The following ANK3 variants were observed in gnomAD, a reference collection of about 807,000 sequenced individuals.
ANK3 encodes ankyrin 3.
Under a neutral mutation model 370.9 loss-of-function variants are expected in ANK3, and 57 were observed. The observed-to-expected ratio is 0.15, with a 90% CI of 0.12 to 0.19. The LOEUF is 0.19. ANK3 is among the 10% of genes least tolerant of loss of function. The pLI is 1.00. For synonymous variants in ANK3, 1,929 were observed against 1,946.3 expected (o/e 0.99, Z 0.23); for missense variants, 4,439 against 5,302.1 (o/e 0.84, Z 5.06).
chr10:60,054,298 A>G (rs867518558), intron 42 of ANK3, among the ~76,000 whole-genome samples: 1 of 152,204 alleles, frequency 6.6e-6, no homozygotes, highest in South Asian at 2.1e-4. Flanking sequence ...TAAATATACT[A>G]AAAGTCAAGT....
intron 2 of ANK3, among the ~76,000 whole-genome samples, chr10:60,591,304 TTTATTTA>T (rs1252404448): frequency 3.1e-4 from 1 of 3,270 alleles, no homozygotes; most frequent in Admixed American, 2.9e-3. Context: ...TTATTTTTAT[TTTATTTA>T]TTTATTTATT....
chr10:60,497,607 G>A (rs541374171), intron 2 of ANK3, among the ~76,000 whole-genome samples: 7 of 152,138 alleles, frequency 4.6e-5, no homozygotes, highest in Non-Finnish European at 8.8e-5. Context: ...TCCTGTACAT[G>A]CCTCTCAAGA....
chr10:60,066,300 ACT>A (rs1469648945), intron 38 of ANK3, among the ~76,000 whole-genome samples: 1 of 152,148 alleles, frequency 6.6e-6, no homozygotes. Flanking sequence ...CCAAAAATTT[ACT>A]CTGACTGTAT....
chr10:60,358,657 CT>C (rs754149436), intron 1 of ANK3, among the ~76,000 whole-genome samples: 42 of 152,204 alleles, frequency 2.8e-4, no homozygotes, highest in Non-Finnish European at 4.7e-4. Context: ...ATCTGACTGA[CT>C]TGCTGATGTA....
intron 2 of ANK3, among the ~76,000 whole-genome samples, chr10:60,426,676 C>G (rs544160360): frequency 6.6e-6 from 1 of 152,148 alleles, no homozygotes; most frequent in South Asian, 2.1e-4. Flanking sequence ...CTCTATCAAT[C>G]CAAGAGATTA....
chr10:60,427,031 T>C (rs1450342122), intron 2 of ANK3, among the ~76,000 whole-genome samples: 2 of 152,118 alleles, frequency 1.3e-5, no homozygotes, highest in South Asian at 2.1e-4. Context: ...GACAATTCTA[T>C]GCCACCAGGC....
chr10:60,035,331 C>T (rs2074685423), intron 43 of ANK3, among the ~76,000 whole-genome samples: 1 of 152,100 alleles, frequency 6.6e-6, no homozygotes, highest in South Asian at 2.1e-4. Context: ...TTGCTGCAAC[C>T]TCTGCCTCCT....
rs2072445896 is a variant in ANK3, at chr10:60,027,241, C to A, written c.*2605G>T. On this transcript the variant is annotated 3_prime_UTR_variant, in exon 44 of 44. Coordinates refer to ENST00000280772, the MANE Select transcript of ANK3 (RefSeq NM_020987.5). Reference sequence around the variant, plus strand: ...GTAACTCTTAGATAGGAAGTTAGGACACCTATATTCTGATCCTGGCTTTAC... The same window carrying A: ...GTAACTCTTAGATAGGAAGTTAGGAAACCTATATTCTGATCCTGGCTTTAC... The A allele has an allele frequency of 6.7e-6, 1 of 149,362 alleles. No individual in the cohort carries two copies. The highest frequency in any genetic ancestry group is 1.5e-5 in the Non-Finnish European group (1 of 67,670). 9.3% of individuals were successfully genotyped at this position (149,362 alleles called of 1,614,324 possible). A position where few individuals can be genotyped will look rare whatever the true frequency, so the allele number is the denominator to read the frequency against.
chr10:60,676,430 A>C (rs2079126584), intron 1 of ANK3, among the ~76,000 whole-genome samples: 1 of 152,204 alleles, frequency 6.6e-6, no homozygotes, highest in Non-Finnish European at 1.5e-5. Context: ...TGAATTATAA[A>C]TTAAGGTCTG....
chr10:60,411,313 A>G (rs2063555621), intron 2 of ANK3, among the ~76,000 whole-genome samples: 1 of 152,236 alleles, frequency 6.6e-6, no homozygotes, highest in South Asian at 2.1e-4. Flanking sequence ...CTGGTTAGCA[A>G]TAACTGTACT....
intron 2 of ANK3, among the ~76,000 whole-genome samples, chr10:60,438,454 A>AT (rs1238241248): frequency 6.6e-6 from 1 of 152,082 alleles, no homozygotes; most frequent in East Asian, 1.9e-4. Context: ...CCCTTTGAAG[A>AT]CCTAACCTAG....
intron 1 of ANK3, among the ~76,000 whole-genome samples, chr10:60,337,470 C>T (rs2053270120): frequency 6.6e-6 from 1 of 152,240 alleles, no homozygotes; most frequent in East Asian, 1.9e-4. Flanking sequence ...ATCCCAGACT[C>T]CTACTTTCAA....
At position 60,052,836 on chromosome 10, in the gene ANK3, T is replaced by TAA. The variant is rs61646753; in HGVS notation, c.13065+2820_13065+2821dup. The stretch of plus-strand genomic sequence containing the variant: ...GGAAAAATGAATTCCAGTATTTGTT[T>TAA]AAAAAAAAAAATAAAACTGCTATAG... On this transcript the variant is annotated intron_variant, in intron 42 of 43. Transcript: ENST00000280772. 8.1e-5 allele frequency among the ~76,000 whole-genome samples: 12 copies of TAA among 148,942 alleles called. No homozygotes were observed. The East Asian group carries it at 1.9e-3, about 24-fold the overall frequency.
intron 2 of ANK3, among the ~76,000 whole-genome samples, chr10:60,395,564 C>CTTTCTTTTCTTTCTTTCTTTCTTTCT (rs1555367098): frequency 2.9e-5 from 3 of 101,802 alleles, no homozygotes; most frequent in African/African-American, 1.2e-4. Context: ...TTCTTTCTTT[C>CTTTCTTTTCTTTCTTTCTTTCTTTCT]TTTCTTTCTT....
At chr10:60,272,031 A>G (rs1024292840) in intron 4 of ANK3, among the ~76,000 whole-genome samples, 1 of 151,580 alleles carries the variant, frequency 6.6e-6, no homozygotes, top group African/African-American at 2.4e-5. Flanking sequence ...CTGTTTTATC[A>G]TGAAACATTC....
At chr10:60,490,162 T>G (rs1327622881) in intron 2 of ANK3, among the ~76,000 whole-genome samples, 1 of 152,172 alleles carries the variant, frequency 6.6e-6, no homozygotes, top group African/African-American at 2.4e-5. Flanking sequence ...TCACCTTAGA[T>G]GAACCATTTT....
intron 36 of ANK3, among the ~76,000 whole-genome samples, chr10:60,077,850 ACACTGAAGCAGTCACGAGGGAGACCTAC>A (rs1443290453): frequency 6.6e-6 from 1 of 152,180 alleles, no homozygotes; most frequent in African/African-American, 2.4e-5. Flanking sequence ...GATATCACAA[ACACTGAAGCAGTCACGAGGGAGACCTAC>A]CACTAGGAAG....
chr10:60,279,161 A>G lies in ANK3; in HGVS notation c.217-13T>C, dbSNP rs1354300346. The G allele has an allele frequency of 1.2e-6, 2 of 1,611,736 alleles. No homozygotes were observed. Among genetic ancestry groups the G allele is most frequent in the East Asian group, 2.2e-5 (1 of 44,862 alleles). On this transcript the variant is annotated splice_polypyrimidine_tract_variant and intron_variant, in intron 2 of 43. Transcript: ENST00000280772. The stretch of plus-strand genomic sequence containing the variant: ...CGTTCAACCCATTCTGATTAAAAGT[A>G]AAGGAAAAGCTCTACTCAGCAGGTT...
chr10:60,567,698 T>C lies in ANK3; in HGVS notation c.96+47488A>G, dbSNP rs185149083. Among the ~76,000 whole-genome samples the C allele has an allele frequency of 8.5e-5, 13 of 152,324 alleles. No individual in the cohort carries two copies. The East Asian group carries it at 2.5e-3, about 29-fold the overall frequency. On this transcript the variant is annotated intron_variant, in intron 2 of 43. Coordinates refer to the ANK3 transcript ENST00000373827. ...GTTTGTCTGATGGGTCTGAGCAAAG[T>C]AAATTGAATATCTTTTGGAAAGGAT...
Sources: gnomAD v4.1 joint callset for allele counts (sites outside exome capture counted in the v4.1 genomes callset) on GRCh38, gnomAD v4.1.1 for gene constraint, MANE v1.5 for transcripts, NCBI Gene and HGNC (gene_info 2026-07-23, HGNC 2026-07-21) for gene names.